Variants in FOXP1 observed in about 807,000 individuals in gnomAD.
The protein encoded by FOXP1 is forkhead box protein P1.
A neutral mutation model predicts 98.2 loss-of-function variants in FOXP1; 15 were observed. The ratio of observed to expected loss-of-function variants is 0.15; its 90% CI spans 0.10 to 0.24. The LOEUF (loss-of-function observed/expected upper bound fraction) is 0.24, where lower values mean the gene tolerates loss of function less well. Among genes scored for constraint, FOXP1 ranks in the 10% least tolerant of loss-of-function variants. The probability of loss-of-function intolerance (pLI) is 1.00; values close to 1 mark genes in which losing one functional copy is unlikely to be tolerated. For missense variants in FOXP1, 633 were observed against 848.5 expected (o/e 0.75, Z 3.15); for synonymous variants, 371 against 314.5 (o/e 1.18, Z -1.90).
At chr3:71,279,962 A>C (rs1283727014) in intron 5 of FOXP1, among the ~76,000 whole-genome samples, 1 of 151,850 alleles carries the variant, frequency 6.6e-6, no homozygotes, top group African/African-American at 2.4e-5. Context: ...TCTCTACTAA[A>C]AATATAAAAA....
At chr3:71,555,108 G>A (rs540918256) in intron 2 of FOXP1, among the ~76,000 whole-genome samples, 1 of 152,044 alleles carries the variant, frequency 6.6e-6, no homozygotes, top group Non-Finnish European at 1.5e-5. Context: ...AAATATTTGT[G>A]AGTTTACAGT....
chr3:71,525,972 T>C (rs1430092688), intron 2 of FOXP1, among the ~76,000 whole-genome samples: 1 of 151,760 alleles, frequency 6.6e-6, no homozygotes, highest in Non-Finnish European at 1.5e-5. Flanking sequence ...AAAAACAAAA[T>C]GAGCCAGGCA....
At chr3:71,316,244 A>G (rs906359308) in intron 4 of FOXP1, among the ~76,000 whole-genome samples, 1 of 152,176 alleles carries the variant, frequency 6.6e-6, no homozygotes, top group Non-Finnish European at 1.5e-5. Flanking sequence ...GCTGGGAAAC[A>G]GCCCTTGCCC....
intron 13 of FOXP1, among the ~76,000 whole-genome samples, chr3:70,997,634 C>A (rs1358690633): frequency 2.6e-5 from 4 of 152,218 alleles, no homozygotes; most frequent in Non-Finnish European, 5.9e-5. Flanking sequence ...CTGAAACTCT[C>A]TTTTGAATAA....
At chr3:71,026,129 A>C (rs918542666) in intron 11 of FOXP1, among the ~76,000 whole-genome samples, 20 of 152,234 alleles carry the variant, frequency 1.3e-4, no homozygotes, top group African/African-American at 4.6e-4. Flanking sequence ...GCAAGAAAGC[A>C]TACTTTGAAG....
At chr3:71,557,754 A>C (rs2046244924) in intron 2 of FOXP1, among the ~76,000 whole-genome samples, 1 of 152,324 alleles carries the variant, frequency 6.6e-6, no homozygotes, top group South Asian at 2.1e-4. Flanking sequence ...TTAGGAGAGA[A>C]TGGCTTTGCC....
Position 71,508,333 on chromosome 3 carries a change from T to C in FOXP1, c.-297-14778A>G, listed in dbSNP as rs373268762. 1.5e-4 allele frequency among the ~76,000 whole-genome samples: 23 copies of C among 152,332 alleles called. No individual in the cohort carries two copies. The East Asian group carries it at 3.9e-3, about 26-fold the overall frequency. ...AGGAAATTTGGGGGACAAAGTATTTTTCTGTTTTAAAAGCTCAAATGGCAG... is the reference window on the plus strand; with the variant it reads ...AGGAAATTTGGGGGACAAAGTATTTCTCTGTTTTAAAAGCTCAAATGGCAG... On this transcript the variant is annotated intron_variant, in intron 2 of 20. Transcript: ENST00000649528.
At chr3:71,413,503 C>T (rs954626718) in intron 3 of FOXP1, among the ~76,000 whole-genome samples, 1 of 152,058 alleles carries the variant, frequency 6.6e-6, no homozygotes, top group Admixed American at 6.6e-5. Flanking sequence ...GTCACTAAAC[C>T]TCCCCCCACC....
At chr3:71,583,977 G>C, upstream of FOXP1, 3 of 922,398 alleles carry the variant, frequency 3.3e-6, no homozygotes, top group Non-Finnish European at 3.9e-6. Flanking sequence ...CGGGGCGCTG[G>C]CGCCCACCCC....
intron 5 of FOXP1, among the ~76,000 whole-genome samples, chr3:71,291,957 G>A (rs967340012): frequency 1.3e-5 from 2 of 151,862 alleles, no homozygotes; most frequent in East Asian, 1.9e-4. Context: ...TGCCTGCCTC[G>A]GCCTCCCAAA....
At chr3:71,028,927 C>A (rs919298370) in intron 11 of FOXP1, among the ~76,000 whole-genome samples, 2 of 152,166 alleles carry the variant, frequency 1.3e-5, no homozygotes, top group African/African-American at 4.8e-5. Flanking sequence ...CTGTGAGAAT[C>A]TAATGCCTCG....
chr3:71,364,886 G>A (rs1364233919), intron 3 of FOXP1, among the ~76,000 whole-genome samples: 1 of 152,222 alleles, frequency 6.6e-6, no homozygotes, highest in Non-Finnish European at 1.5e-5. Context: ...CGTGATAGCT[G>A]TGTATATATA....
At chr3:71,580,921 A>C in intron 2 of FOXP1, 1 of 985,426 alleles carries the variant, frequency 1.0e-6, no homozygotes, top group Non-Finnish European at 1.2e-6. Context: ...AAAAAAGAAA[A>C]TGCTAACTTG....
intron 12 of FOXP1, among the ~76,000 whole-genome samples, chr3:71,008,127 A>G (rs1394653028): frequency 1.3e-5 from 2 of 152,194 alleles, no homozygotes; most frequent in Non-Finnish European, 2.9e-5. Flanking sequence ...GGAGAAATGG[A>G]AACATTTTCC....
At chr3:71,192,076 CCCCTTTCTGG>C (rs2063014009) in intron 6 of FOXP1, among the ~76,000 whole-genome samples, 1 of 152,104 alleles carries the variant, frequency 6.6e-6, no homozygotes, top group Non-Finnish European at 1.5e-5. Context: ...TCTTCTATGC[CCCCTTTCTGG>C]AAGTTCCCCT....
intron 5 of FOXP1, among the ~76,000 whole-genome samples, chr3:71,225,358 A>C (rs1357594625): frequency 6.6e-6 from 1 of 152,218 alleles, no homozygotes; most frequent in Non-Finnish European, 1.5e-5. Context: ...AACAACTGGA[A>C]AGGAAACAGA....
chr3:71,245,561 AC>A (rs1576571505), intron 5 of FOXP1, among the ~76,000 whole-genome samples: 1 of 76,532 alleles, frequency 1.3e-5, no homozygotes. Context: ...TTCTCTACCC[AC>A]CCACCCCCTC....
At chr3:71,177,124 T>C (rs2061989903) in intron 6 of FOXP1, among the ~76,000 whole-genome samples, 2 of 152,114 alleles carry the variant, frequency 1.3e-5, no homozygotes, top group Non-Finnish European at 2.9e-5. Flanking sequence ...CAAAGTGTTT[T>C]AGAAACAGAT....
At chr3:71,269,637 T>C (rs2070132081) in intron 5 of FOXP1, among the ~76,000 whole-genome samples, 1 of 152,344 alleles carries the variant, frequency 6.6e-6, no homozygotes, top group East Asian at 1.9e-4. Context: ...TGATGCTCTA[T>C]TTTGCAAATT....
Sources: gnomAD v4.1 joint callset for allele counts (sites outside exome capture counted in the v4.1 genomes callset) on GRCh38, gnomAD v4.1.1 for gene constraint, MANE v1.5 for transcripts, NCBI Gene and HGNC (gene_info 2026-07-23, HGNC 2026-07-21) for gene names.